Variants in ABCB1 observed in about 807,000 individuals in gnomAD.
ABCB1 encodes ATP-dependent translocase ABCB1.
ABCB1 carries 69 observed loss-of-function variants against 142.0 expected under a neutral mutation model. The ratio of observed to expected loss-of-function variants is 0.49; its 90% CI spans 0.40 to 0.59. The LOEUF is 0.59. Ranked by LOEUF, ABCB1 falls within the 20% of genes least tolerant of loss-of-function variation. The pLI is 0.00. For synonymous variants in ABCB1, 532 were observed against 539.2 expected (o/e 0.99, Z 0.18); for missense variants, 1,326 against 1,554.7 (o/e 0.85, Z 2.47).
intron 6 of ABCB1, 58 bp downstream of exon 6, chr7:87,566,727 T>C (rs1286222572): frequency 2.8e-5 from 43 of 1,533,804 alleles, no homozygotes; most frequent in Non-Finnish European, 3.3e-5. Context: ...ATGACATCTA[T>C]TTCATTTTAC....
chr7:87,515,022 G>C (rs957817679), intron 25 of ABCB1, among the ~76,000 whole-genome samples: 9 of 152,354 alleles, frequency 5.9e-5, no homozygotes, highest in Admixed American at 1.3e-4. Context: ...TTGCAAAGGA[G>C]GGTAGAGGGG....
intron 1 of ABCB1, among the ~76,000 whole-genome samples, chr7:87,671,557 G>T (rs1195125894): frequency 1.3e-5 from 2 of 152,234 alleles, no homozygotes; most frequent in African/African-American, 4.8e-5. Flanking sequence ...ACCAGTGAAG[G>T]CCGCAAAACA....
At chr7:87,700,798 AT>A (rs1478534450) in intron 1 of ABCB1, among the ~76,000 whole-genome samples, 5 of 152,206 alleles carry the variant, frequency 3.3e-5, no homozygotes, top group Non-Finnish European at 7.3e-5. Context: ...TGTCAAAAAT[AT>A]TTTTATATAA....
intron 21 of ABCB1, among the ~76,000 whole-genome samples, chr7:87,530,266 C>T (rs960754092): frequency 1.3e-5 from 2 of 152,212 alleles, no homozygotes; most frequent in African/African-American, 4.8e-5. Flanking sequence ...GTCAGCCCTG[C>T]TCTGACCTCT....
chr7:87,561,921 G>T (rs1817576529), intron 7 of ABCB1, among the ~76,000 whole-genome samples: 1 of 152,204 alleles, frequency 6.6e-6, no homozygotes, highest in Non-Finnish European at 1.5e-5. Flanking sequence ...AGGAGGACGA[G>T]GCTGCCGTGA....
rs2117130543 is a variant in ABCB1, at chr7:87,531,396, G to A, written c.2583C>T (p.Leu861=). ...FIYGWQLTLL[L]LAIVPIIAIA... is the part of the protein sequence containing the mutation. ...TTGCAATGATGGGTACAATTGCTAA[G>A]AGTAACAGTGTTAGTTGCCAACCAT... The change falls in exon 21 of 28, where the codon CTC becomes CTT. Residue 861 remains leucine, a synonymous_variant. Transcript: ENST00000622132. 5 of 1,613,448 alleles carry A rather than the reference G, an allele frequency of 3.1e-6. No individual in the cohort carries two copies. Among genetic ancestry groups the A allele is most frequent in the Non-Finnish European group, 3.4e-6 (4 of 1,179,674 alleles).
At chr7:87,504,919 T>C (rs1018763224) in intron 27 of ABCB1, among the ~76,000 whole-genome samples, 1 of 151,994 alleles carries the variant, frequency 6.6e-6, no homozygotes, top group Non-Finnish European at 1.5e-5. Flanking sequence ...ATCAGATGAC[T>C]GAACCCTAAT....
chr7:87,536,761 A>G (rs1337452000), intron 19 of ABCB1, among the ~76,000 whole-genome samples: 1 of 152,242 alleles, frequency 6.6e-6, no homozygotes, highest in East Asian at 1.9e-4. Flanking sequence ...TCTCCTACGC[A>G]TGATTTCTAA....
intron 1 of ABCB1, among the ~76,000 whole-genome samples, chr7:87,700,091 C>T (rs1828886663): frequency 2.0e-5 from 3 of 151,804 alleles, no homozygotes; most frequent in Admixed American, 6.6e-5. Flanking sequence ...GGAAGGTTCC[C>T]GTGTGCTATT....
intron 1 of ABCB1, among the ~76,000 whole-genome samples, chr7:87,647,725 T>C (rs1823152942): frequency 6.6e-6 from 1 of 152,200 alleles, no homozygotes. Flanking sequence ...CCACTAGCTC[T>C]TTAGTCCACA....
At chr7:87,535,159 C>T (rs1584856444) in intron 20 of ABCB1, among the ~76,000 whole-genome samples, 1 of 152,044 alleles carries the variant, frequency 6.6e-6, no homozygotes. Flanking sequence ...TCTATGCTTG[C>T]CCCCTTCGGC....
At chr7:87,569,716 C>G (rs1817956082) in intron 5 of ABCB1, among the ~76,000 whole-genome samples, 1 of 152,054 alleles carries the variant, frequency 6.6e-6, no homozygotes, top group African/African-American at 2.4e-5. Flanking sequence ...GGGACAGGGT[C>G]CTGCTCTTTC....
intron 1 of ABCB1, among the ~76,000 whole-genome samples, chr7:87,649,387 C>T (rs570641803): frequency 6.6e-5 from 10 of 152,222 alleles, no homozygotes; most frequent in East Asian, 3.9e-4. Context: ...GTTCAGAAAG[C>T]GTGGTTCTGC....
intron 4 of ABCB1, among the ~76,000 whole-genome samples, chr7:87,584,277 T>A (rs1248866612): frequency 6.6e-6 from 1 of 152,202 alleles, no homozygotes; most frequent in Non-Finnish European, 1.5e-5. Context: ...GAGATTGGTA[T>A]GAATATTCAT....
At chr7:87,552,233 G>A (rs1817104654) in intron 9 of ABCB1, among the ~76,000 whole-genome samples, 1 of 151,998 alleles carries the variant, frequency 6.6e-6, no homozygotes, top group Non-Finnish European at 1.5e-5. Flanking sequence ...TTCTCTTTGG[G>A]GTTGATGAGA....
chr7:87,594,438 T>C (rs1189294111), intron 3 of ABCB1, among the ~76,000 whole-genome samples: 2 of 152,202 alleles, frequency 1.3e-5, no homozygotes, highest in Non-Finnish European at 2.9e-5. Flanking sequence ...AAATGAATTA[T>C]TGATAACATT....
At chr7:87,536,325 A>G (rs920750080) in intron 20 of ABCB1, 133 bp downstream of exon 20, 2 of 785,160 alleles carry the variant, frequency 2.5e-6, no homozygotes, top group Non-Finnish European at 4.5e-6. Flanking sequence ...AGCATGTGAT[A>G]TATTCGTAGG....
chr7:87,708,579 G>A (rs890862351), intron 1 of ABCB1, among the ~76,000 whole-genome samples: 2 of 152,028 alleles, frequency 1.3e-5, no homozygotes, highest in Admixed American at 6.5e-5. Context: ...GTATTTTATG[G>A]ATAAGAGTTG....
At chr7:87,586,708 G>A (rs1405049000) in intron 3 of ABCB1, among the ~76,000 whole-genome samples, 1 of 152,138 alleles carries the variant, frequency 6.6e-6, no homozygotes, top group Non-Finnish European at 1.5e-5. Flanking sequence ...CTTCACAAGG[G>A]GATAGAAACC....
Sources: allele counts gnomAD v4.1 joint callset (sites outside exome capture counted in the v4.1 genomes callset), GRCh38; gene constraint gnomAD v4.1.1; transcripts MANE v1.5; gene names NCBI Gene and HGNC (gene_info 2026-07-23, HGNC 2026-07-21).